Variants in RHOBTB1 observed in about 807,000 individuals in gnomAD.
RHOBTB1 encodes Rho related BTB domain containing 1.
A neutral mutation model predicts 71.6 loss-of-function variants in RHOBTB1; 40 were observed. That is an observed-to-expected ratio of 0.56 (90% CI 0.43 to 0.73). The LOEUF is 0.73. RHOBTB1 is among the 30% of genes least tolerant of loss of function. The probability of loss-of-function intolerance (pLI) is 0.00; values close to 1 mark genes in which losing one functional copy is unlikely to be tolerated. For synonymous variants in RHOBTB1, 319 were observed against 334.9 expected, an observed-to-expected ratio of 0.95 and a Z score of 0.52; for missense variants, 797 against 894.0, an observed-to-expected ratio of 0.89 and a Z score of 1.38.
intron 2 of RHOBTB1, among the ~76,000 whole-genome samples, chr10:60,921,240 GCCTGAT>G (rs1822847942): frequency 1.3e-5 from 2 of 152,126 alleles, no homozygotes; most frequent in South Asian, 4.1e-4. Flanking sequence ...GAGCCACCAT[GCCTGAT>G]CCTGATTTGC....
chr10:61,001,543 C>G (rs2087276455), upstream of RHOBTB1: 1 of 151,848 alleles, frequency 6.6e-6, no homozygotes. Context: ...GCCTCCCCCG[C>G]CTGCATCCCG....
intron 4 of RHOBTB1, among the ~76,000 whole-genome samples, chr10:60,901,026 C>G (rs1158020097): frequency 6.6e-6 from 1 of 152,164 alleles, no homozygotes; most frequent in Non-Finnish European, 1.5e-5. Context: ...AGGTTACTTT[C>G]AGGATTAATT....
At chr10:60,888,130 T>C in intron 6 of RHOBTB1, 82 bp downstream of exon 6, 1 of 1,469,198 alleles carries the variant, frequency 6.8e-7, no homozygotes, top group East Asian at 2.3e-5. Flanking sequence ...GCTATCGTTC[T>C]TCTTTCTCCT....
In RHOBTB1 at chr10:60,911,757, G is replaced by C. The variant is rs539565484; in HGVS notation, c.-10-205C>G. ...ATCTCACACAAGTACAAAAACATGG[G>C]ACTGTTATTTTGACCCCAAACAGTT... On this transcript the variant is annotated intron_variant, in intron 2 of 10. Coordinates refer to ENST00000337910, the MANE Select transcript of RHOBTB1 (RefSeq NM_014836.5). Among the ~76,000 whole-genome samples the C allele has an allele frequency of 2.2e-4, 34 of 152,316 alleles. No homozygotes were observed. The South Asian group carries it at 6.6e-3, about 30-fold the overall frequency.
At chr10:60,869,373 T>C (rs2080675327), downstream of RHOBTB1, 1 of 152,436 alleles carries the variant, frequency 6.6e-6, no homozygotes, top group Non-Finnish European at 1.5e-5. Context: ...GTTTTGATAA[T>C]TTAAAAAAAG....
At chr10:60,964,308 G>C (rs1486589532) in intron 2 of RHOBTB1, among the ~76,000 whole-genome samples, 1 of 152,040 alleles carries the variant, frequency 6.6e-6, no homozygotes, top group African/African-American at 2.4e-5. Context: ...GGATACAACT[G>C]ATTATAAACG....
intron 2 of RHOBTB1, among the ~76,000 whole-genome samples, chr10:60,975,272 C>T (rs1280872947): frequency 6.6e-6 from 1 of 151,958 alleles, no homozygotes; most frequent in Non-Finnish European, 1.5e-5. Flanking sequence ...TGTTTTTAGG[C>T]CATGACAACC....
chr10:60,907,604 A>G (rs950799482), intron 4 of RHOBTB1, among the ~76,000 whole-genome samples: 1 of 152,052 alleles, frequency 6.6e-6, no homozygotes, highest in African/African-American at 2.4e-5. Flanking sequence ...CACTCATGCT[A>G]CTCTGTTTCC....
At chr10:60,901,535 AAGAT>A (rs1201261153) in intron 4 of RHOBTB1, among the ~76,000 whole-genome samples, 1 of 152,228 alleles carries the variant, frequency 6.6e-6, no homozygotes, top group Non-Finnish European at 1.5e-5. Flanking sequence ...GAATAGCTGA[AAGAT>A]AGGTAACAGA....
chr10:60,882,904 T>C (rs2081391507), intron 7 of RHOBTB1, among the ~76,000 whole-genome samples: 1 of 152,198 alleles, frequency 6.6e-6, no homozygotes. Context: ...GTCGCTAACA[T>C]TTATTGAACA....
chr10:60,896,623 T>G (rs2082173002), intron 4 of RHOBTB1, among the ~76,000 whole-genome samples: 1 of 152,222 alleles, frequency 6.6e-6, no homozygotes, highest in African/African-American at 2.4e-5. Flanking sequence ...ACAGTTTTAT[T>G]AGAGAAAGCC....
chr10:60,932,262 A>G (rs2084299099), intron 2 of RHOBTB1, among the ~76,000 whole-genome samples: 1 of 152,180 alleles, frequency 6.6e-6, no homozygotes, highest in African/African-American at 2.4e-5. Flanking sequence ...GCTAGCTCAT[A>G]TAAAGTAATG....
At chr10:60,910,703 G>A (rs868469558) in intron 4 of RHOBTB1, among the ~76,000 whole-genome samples, 184 bp downstream of exon 4, 18 of 152,164 alleles carry the variant, frequency 1.2e-4, no homozygotes, top group Non-Finnish European at 2.1e-4. Context: ...GGCAGGGCAC[G>A]CTTCTTTTCT....
chr10:60,865,354 T>C (rs1207347748), downstream of RHOBTB1, among the ~76,000 whole-genome samples: 2 of 152,246 alleles, frequency 1.3e-5, no homozygotes, highest in Non-Finnish European at 2.9e-5. Context: ...TATTAAGGTA[T>C]AATTGACAAA....
chr10:60,902,070 G>T (rs950993181), intron 4 of RHOBTB1, among the ~76,000 whole-genome samples: 4 of 152,224 alleles, frequency 2.6e-5, no homozygotes, highest in Non-Finnish European at 4.4e-5. Flanking sequence ...CTGGGGACAA[G>T]GCTGGGTCAG....
intron 2 of RHOBTB1, among the ~76,000 whole-genome samples, chr10:60,923,435 G>T (rs560268971): frequency 6.6e-6 from 1 of 152,192 alleles, no homozygotes; most frequent in South Asian, 2.1e-4. Context: ...ATTGAAAGCC[G>T]TGCTGGCAAC....
At position 60,977,909 on chromosome 10, in the gene RHOBTB1, T is replaced by C. The variant is rs143074412; in HGVS notation, c.-62+7936A>G. 1.7e-3 allele frequency among the ~76,000 whole-genome samples: 257 copies of C among 152,210 alleles called. 1 individual carries two copies. Among genetic ancestry groups the C allele is most frequent in the African/African-American group, 6.0e-3 (248 of 41,546 alleles). On this transcript the variant is annotated intron_variant, in intron 2 of 11. Transcript: ENST00000357917. ...TAAATATTCTGCATGATGAAGTTCA[T>C]GTAGACATAAATTAATCATTTACCC...
At position 60,870,183 on chromosome 10, in the gene RHOBTB1, A is replaced by C. The variant is rs2080713280; in HGVS notation, c.*1299T>G. 1 of 152,602 alleles carries C rather than the reference A, an allele frequency of 6.6e-6. No individual in the cohort carries two copies. Among genetic ancestry groups the C allele is most frequent in the Admixed American group, 6.5e-5 (1 of 15,284 alleles). 9.5% of individuals were successfully genotyped at this position (152,602 alleles called of 1,614,324 possible). A position where few individuals can be genotyped will look rare whatever the true frequency, so the allele number is the denominator to read the frequency against. ...TAACATTTTAATTTACAGAGAAGCA[A>C]TGACTGACTGCCTCACGAAAGCTCC... On this transcript the variant is annotated 3_prime_UTR_variant, in exon 11 of 11. Coordinates refer to ENST00000337910, the MANE Select transcript of RHOBTB1 (RefSeq NM_014836.5).
At chr10:60,899,459 A>G (rs1301846093) in intron 4 of RHOBTB1, among the ~76,000 whole-genome samples, 1 of 152,196 alleles carries the variant, frequency 6.6e-6, no homozygotes, top group Non-Finnish European at 1.5e-5. Context: ...AGTGTCAGCT[A>G]CCGCGCTACA....
Sources: gnomAD v4.1 joint callset for allele counts (sites outside exome capture counted in the v4.1 genomes callset) on GRCh38, gnomAD v4.1.1 for gene constraint, MANE v1.5 for transcripts, NCBI Gene and HGNC (gene_info 2026-07-23, HGNC 2026-07-21) for gene names.